PKD1L1: variants seen among roughly 807,000 people sequenced by gnomAD.
The protein encoded by PKD1L1 is polycystin-1-like protein 1.
In PKD1L1, 236 loss-of-function variants were observed where a neutral mutation model predicts 323.4. The observed-to-expected ratio is 0.73, with a 90% CI of 0.66 to 0.81. PKD1L1 has a LOEUF of 0.81. PKD1L1 is among the 40% of genes least tolerant of loss of function. The pLI is 0.00. For missense variants in PKD1L1, 3,320 were observed against 3,508.0 expected, an observed-to-expected ratio of 0.95 and a Z score of 1.35; for synonymous variants, 1,344 against 1,335.0, an observed-to-expected ratio of 1.01 and a Z score of -0.15.
intron 22 of PKD1L1, among the ~76,000 whole-genome samples, chr7:47,876,838 G>C (rs1050325776): frequency 3.3e-5 from 5 of 152,010 alleles, no homozygotes; most frequent in African/African-American, 9.7e-5. Flanking sequence ...GCTGTGCAAT[G>C]GCGCGATCTC....
In PKD1L1 at chr7:47,857,754, C is replaced by G; in HGVS notation, c.4441G>C (p.Val1481Leu). Residue 1481 changes from valine (V) to leucine (L), a missense_variant, in exon 28 of 57, where the codon GTC (valine) becomes CTC (leucine). Physicochemically the swap from Val to Leu is conservative, Grantham distance 32. Transcript: ENST00000289672. The part of the protein sequence containing the change: ...TLLHYNLQSS[V>L]QSLGSVQVHL... ...ACCTGGACAGATCCCAGGCTCTGGA[C>G]AGAGCTCTGAAGGTTGTAATGAAGA... 2 of 1,614,092 alleles carry G rather than the reference C, an allele frequency of 1.2e-6. No homozygotes were observed. The highest frequency in any genetic ancestry group is 1.3e-5 in the African/African-American group (1 of 75,006).
chr7:47,800,159 A>G (rs35030912), intron 54 of PKD1L1, among the ~76,000 whole-genome samples: 12,756 of 152,296 alleles, frequency 0.084, 676 homozygotes, highest in Middle Eastern at 0.14. Context: ...TAAGCCATGT[A>G]TGACATGACT....
chr7:47,864,816 T>C (rs1002138731), intron 26 of PKD1L1, among the ~76,000 whole-genome samples: 8 of 151,788 alleles, frequency 5.3e-5, no homozygotes. Context: ...CCTCCTGGCT[T>C]CAAGCGATTC....
At chr7:47,894,848 A>G (rs1583655797) in intron 14 of PKD1L1, among the ~76,000 whole-genome samples, 2 of 119,346 alleles carry the variant, frequency 1.7e-5, no homozygotes, top group East Asian at 5.3e-4. Flanking sequence ...ACAGAGTGAG[A>G]CCCTGTCAAA....
At chr7:47,788,577 A>ATATATATATATT (rs939251075) in intron 56 of PKD1L1, among the ~76,000 whole-genome samples, 10 of 138,060 alleles carry the variant, frequency 7.2e-5, no homozygotes, top group African/African-American at 2.1e-4. Context: ...ATATATATAT[A>ATATATATATATT]TTTTTTTTTT....
At chr7:47,899,691 G>A (rs193287945) in intron 13 of PKD1L1, among the ~76,000 whole-genome samples, 11 of 152,114 alleles carry the variant, frequency 7.2e-5, no homozygotes, top group Non-Finnish European at 8.8e-5. Context: ...GCACGGTGAC[G>A]CAAGCCTGTA....
Position 47,873,948 on chromosome 7 carries a change from C to A in PKD1L1, c.3847G>T (p.Val1283Leu), listed in dbSNP as rs200840761. 165 of 1,614,102 alleles carry A rather than the reference C, an allele frequency of 1.0e-4. No homozygotes were observed. The East Asian group carries it at 3.7e-3, about 36-fold the overall frequency. The change falls in exon 24 of 57, where the codon GTG becomes TTG. Residue 1283 changes from valine (V) to leucine (L), a missense_variant. Val to Leu is a conservative substitution (Grantham distance 32). Coordinates refer to ENST00000289672, the MANE Select transcript of PKD1L1 (RefSeq NM_138295.5). ...GSKVQPCTVV[V>L]TVLPRYHGND... ...CCATGGTAGCGGGGCAGCACAGTCA[C>A]CACCACAGTGCACGGCTGGACCTTG...
At chr7:47,945,982 C>T (rs1409237422) in intron 1 of PKD1L1, among the ~76,000 whole-genome samples, 2 of 152,126 alleles carry the variant, frequency 1.3e-5, no homozygotes, top group African/African-American at 4.8e-5. Flanking sequence ...TGCTGCAAAG[C>T]TAATTTTCCT....
chr7:47,857,538 A>T, intron 28 of PKD1L1, 67 bp downstream of exon 28: 1 of 1,394,710 alleles, frequency 7.2e-7, no homozygotes, highest in South Asian at 1.3e-5. Context: ...TCTTTTTGTC[A>T]TTTAAGCCCA....
chr7:47,873,155 G>A (rs1786319518), intron 24 of PKD1L1, among the ~76,000 whole-genome samples: 1 of 152,048 alleles, frequency 6.6e-6, no homozygotes, highest in Non-Finnish European at 1.5e-5. Flanking sequence ...GTCCGGGGCC[G>A]GTGGGAGGAA....
intron 5 of PKD1L1, among the ~76,000 whole-genome samples, chr7:47,931,718 GCT>G (rs1221431369): frequency 6.6e-6 from 1 of 152,202 alleles, no homozygotes; most frequent in Non-Finnish European, 1.5e-5. Flanking sequence ...CAGCAAAAAT[GCT>G]CTTACAGAAA....
intron 6 of PKD1L1, among the ~76,000 whole-genome samples, chr7:47,930,261 G>A (rs544720873): frequency 4.2e-4 from 63 of 150,798 alleles, no homozygotes; most frequent in African/African-American, 1.5e-3. Flanking sequence ...TGCATGTCCC[G>A]TTAAAAAACA....
chr7:47,882,055 G>C lies in PKD1L1; in HGVS notation c.3296C>G (p.Pro1099Arg). The C allele has an allele frequency of 1.2e-6, 2 of 1,613,450 alleles. No homozygotes were observed. The highest frequency in any genetic ancestry group is 1.7e-6 in the Non-Finnish European group (2 of 1,179,850). The change falls in exon 20 of 57, where the codon CCT (proline) becomes CGT (arginine). Residue 1099 changes from proline to arginine, a missense_variant. Physicochemically the swap from Pro to Arg is moderately radical, Grantham distance 103 (BLOSUM62 -2). Transcript: ENST00000289672. The part of the protein sequence containing the change: ...AKDTSFPGSG[P>R]SLSAEESPGD... ...AGGGCTCTCCTCGGCACTCAAGCTA[G>C]GTCCTGATCCTGGAAAGCTGGTGTC... is the stretch of plus-strand genomic sequence containing the variant.
At chr7:47,925,012 A>C (rs1162358148) in intron 7 of PKD1L1, among the ~76,000 whole-genome samples, 2 of 152,196 alleles carry the variant, frequency 1.3e-5, no homozygotes, top group African/African-American at 2.4e-5. Flanking sequence ...TGAAGAATAC[A>C]CTTCAAGATA....
chr7:47,882,140 T>C (rs1042953609), intron 19 of PKD1L1, 55 bp from the exon 20 acceptor site: 55 of 1,560,404 alleles, frequency 3.5e-5, no homozygotes, highest in Non-Finnish European at 4.6e-5. Context: ...ATGATGATCT[T>C]AAAGCATTAG....
At chr7:47,851,198 C>G (rs906013713) in intron 31 of PKD1L1, among the ~76,000 whole-genome samples, 1 of 152,136 alleles carries the variant, frequency 6.6e-6, no homozygotes, top group African/African-American at 2.4e-5. Context: ...TGAGCCAAGC[C>G]TCATTGAGGA....
intron 50 of PKD1L1, among the ~76,000 whole-genome samples, chr7:47,810,169 C>T (rs1784864525): frequency 6.6e-6 from 1 of 152,174 alleles, no homozygotes; most frequent in Non-Finnish European, 1.5e-5. Context: ...TATGCATCTT[C>T]TCTGTCCTCT....
intron 7 of PKD1L1, among the ~76,000 whole-genome samples, chr7:47,917,083 A>C (rs1332329120): frequency 6.6e-6 from 1 of 152,206 alleles, no homozygotes; most frequent in East Asian, 1.9e-4. Flanking sequence ...AAAATGATAC[A>C]AGAAGTGAAG....
rs1347640026 is a variant in PKD1L1 at position 47,833,087 on chromosome 7, T to C, written c.6337+3A>G. On this transcript the variant is annotated splice_donor_region_variant and intron_variant, in intron 41 of 56. Transcript: ENST00000289672. ...GGGGGCTGTGGTTGCAAGCCACAGTTACCTTGAGTGTGGGGAGGGCAGCAG... is the reference window on the plus strand; with the variant it reads ...GGGGGCTGTGGTTGCAAGCCACAGTCACCTTGAGTGTGGGGAGGGCAGCAG... 2 of 1,609,084 alleles carry C rather than the reference T, an allele frequency of 1.2e-6. No individual in the cohort carries two copies. The highest frequency in any genetic ancestry group is 1.7e-6 in the Non-Finnish European group (2 of 1,177,728).
Sources: gnomAD v4.1 joint callset for allele counts (sites outside exome capture counted in the v4.1 genomes callset) on GRCh38, gnomAD v4.1.1 for gene constraint, MANE v1.5 for transcripts, NCBI Gene and HGNC (gene_info 2026-07-23, HGNC 2026-07-21) for gene names.